Variants in SNX29 observed in about 807,000 individuals in gnomAD.
The protein encoded by SNX29 is sorting nexin-29.
In SNX29, 78 loss-of-function variants were observed where a neutral mutation model predicts 102.1. The observed-to-expected ratio is 0.76, with a 90% confidence interval of 0.64 to 0.92. The LOEUF (loss-of-function observed/expected upper bound fraction) is 0.92. Ranked by LOEUF, SNX29 falls within the 40% of genes least tolerant of loss-of-function variation. The pLI, the probability that SNX29 is intolerant of heterozygous loss-of-function variation, is 0.00. For missense variants in SNX29, 1,280 were observed against 1,061.7 expected (o/e 1.21, Z -2.86); for synonymous variants, 580 against 414.5 (o/e 1.40, Z -4.85).
At chr16:12,085,054 G>A (rs952656712) in intron 11 of SNX29, among the ~76,000 whole-genome samples, 9 of 151,840 alleles carry the variant, frequency 5.9e-5, no homozygotes, top group Admixed American at 3.3e-4. Flanking sequence ...TGGGTGACAG[G>A]GCTAGACCCG....
At chr16:12,406,992 T>C (rs1597266811) in intron 18 of SNX29, among the ~76,000 whole-genome samples, 1 of 152,200 alleles carries the variant, frequency 6.6e-6, no homozygotes, top group Non-Finnish European at 1.5e-5. Flanking sequence ...GGCTGATGGC[T>C]CCTGTTCTGG....
intron 9 of SNX29, among the ~76,000 whole-genome samples, chr16:12,063,268 G>A (rs576261324): frequency 6.6e-6 from 1 of 152,060 alleles, no homozygotes; most frequent in African/African-American, 2.4e-5. Context: ...TGGCATGGAG[G>A]GGGCTTTCCT....
At chr16:12,306,970 G>A (rs1596840541) in intron 15 of SNX29, among the ~76,000 whole-genome samples, 5 of 152,232 alleles carry the variant, frequency 3.3e-5, no homozygotes. Context: ...GCAGGGAAAG[G>A]GTGTGAGGGA....
chr16:12,413,313 A>G (rs1357698859), intron 18 of SNX29, among the ~76,000 whole-genome samples: 3 of 152,082 alleles, frequency 2.0e-5, no homozygotes, highest in African/African-American at 4.8e-5. Flanking sequence ...ACTGCAGGCA[A>G]AATACGTTAG....
chr16:12,058,488 GTTTTTGGTT>G (rs1425670042), intron 8 of SNX29, among the ~76,000 whole-genome samples: 4 of 26,174 alleles, frequency 1.5e-4, no homozygotes, highest in Non-Finnish European at 2.6e-4. Flanking sequence ...TTTTTTTTTG[GTTTTTGGTT>G]TTTTTTTTTT....
chr16:12,275,881 G>GT (rs34099498), intron 14 of SNX29, among the ~76,000 whole-genome samples: 7,488 of 103,898 alleles, frequency 0.072, 133 homozygotes, highest in South Asian at 0.18. Context: ...CATTTTAATT[G>GT]TTTTTTTTTT....
At chr16:12,305,398 G>A (rs2080307322) in intron 15 of SNX29, among the ~76,000 whole-genome samples, 2 of 152,222 alleles carry the variant, frequency 1.3e-5, no homozygotes, top group Admixed American at 6.5e-5. Context: ...AAAGGGCACA[G>A]CGCCGAGGGC....
intron 16 of SNX29, among the ~76,000 whole-genome samples, chr16:12,380,801 C>T (rs1359807168): frequency 8.3e-6 from 1 of 121,042 alleles, no homozygotes; most frequent in African/African-American, 3.0e-5. Flanking sequence ...ACCCACACAC[C>T]ATCCATCCAT....
intron 1 of SNX29, among the ~76,000 whole-genome samples, chr16:11,996,550 C>A (rs868022613): frequency 4.6e-5 from 7 of 152,062 alleles, no homozygotes; most frequent in Middle Eastern, 6.8e-3. Flanking sequence ...CTATTTTTTT[C>A]CTGCATGAAT....
intron 14 of SNX29, among the ~76,000 whole-genome samples, chr16:12,239,832 C>A (rs2078048111): frequency 6.6e-6 from 1 of 151,536 alleles, no homozygotes; most frequent in Admixed American, 6.6e-5. Flanking sequence ...AAAAAAAAAT[C>A]CTGATTATAA....
intron 1 of SNX29, among the ~76,000 whole-genome samples, chr16:11,979,275 C>CAAAAAAAAAAAAAA (rs71139569): frequency 6.5e-5 from 4 of 61,998 alleles, no homozygotes; most frequent in African/African-American, 3.0e-4. Context: ...ACTCAGTCTC[C>CAAAAAAAAAAAAAA]AAAAAAAAAA....
intron 16 of SNX29, among the ~76,000 whole-genome samples, chr16:12,357,187 C>T (rs1186058003): frequency 6.6e-6 from 1 of 152,186 alleles, no homozygotes; most frequent in Non-Finnish European, 1.5e-5. Flanking sequence ...CTGTGTAATG[C>T]ACGCTCATAT....
intron 10 of SNX29, among the ~76,000 whole-genome samples, chr16:12,072,199 A>C (rs1056990503): frequency 6.6e-6 from 1 of 151,236 alleles, no homozygotes. Context: ...AACTTTCAAC[A>C]CTATGTTGAA....
At chr16:12,535,651 T>G (rs2077055420) in intron 20 of SNX29, among the ~76,000 whole-genome samples, 1 of 152,158 alleles carries the variant, frequency 6.6e-6, no homozygotes, top group Non-Finnish European at 1.5e-5. Context: ...AGAGCAGTCT[T>G]GAATATCTTC....
At chr16:12,321,342 C>T (rs1429381917) in intron 15 of SNX29, among the ~76,000 whole-genome samples, 3 of 152,148 alleles carry the variant, frequency 2.0e-5, no homozygotes, top group African/African-American at 4.8e-5. Flanking sequence ...GAATGACTTC[C>T]CAAACCCAGT....
At chr16:12,149,560 C>T (rs962730525) in intron 13 of SNX29, among the ~76,000 whole-genome samples, 15 of 152,134 alleles carry the variant, frequency 9.9e-5, no homozygotes, top group African/African-American at 3.6e-4. Context: ...TAACAAATGA[C>T]CTTTTGATTC....
At position 12,260,342 on chromosome 16, in the gene SNX29, G is replaced by A. The variant is rs147810000; in HGVS notation, c.1679-17591G>A. On this transcript the variant is annotated intron_variant, in intron 14 of 20. Coordinates refer to ENST00000566228, the MANE Select transcript of SNX29 (RefSeq NM_032167.5). ...CCAACATGAATTGTGTGAGATTTTT[G>A]TTGTTCTTTTAACCTCCCTGTTACC... Among the ~76,000 whole-genome samples, 563 of 152,238 alleles carry A rather than the reference G, an allele frequency of 3.7e-3. 3 individuals carry two copies. Among genetic ancestry groups the A allele is most frequent in the African/African-American group, 0.013 (540 of 41,550 alleles).
At chr16:12,405,132 G>C (rs1222028073) in intron 18 of SNX29, among the ~76,000 whole-genome samples, 4 of 152,160 alleles carry the variant, frequency 2.6e-5, no homozygotes, top group Non-Finnish European at 4.4e-5. Flanking sequence ...CTGCATTGTG[G>C]TCATCAGAGA....
In SNX29 at chr16:12,539,748, C is replaced by T. The variant is rs111305995; in HGVS notation, c.2318+14907C>T. 1.1e-4 allele frequency among the ~76,000 whole-genome samples: 17 copies of T among 152,310 alleles called. 1 individual carries two copies. In the Middle Eastern group the frequency reaches 0.01, roughly 91 times the overall value. ...CTGTTCACAAGGATGCAGAATATTT[C>T]ATCATGGTCTTAATTTGCATTTTCC... On this transcript the variant is annotated intron_variant, in intron 20 of 20. Coordinates refer to ENST00000566228, the MANE Select transcript of SNX29 (RefSeq NM_032167.5).
Sources: allele counts gnomAD v4.1 joint callset (sites outside exome capture counted in the v4.1 genomes callset), GRCh38; gene constraint gnomAD v4.1.1; transcripts MANE v1.5; gene names NCBI Gene and HGNC (gene_info 2026-07-23, HGNC 2026-07-21).